LRFN5: variants seen among roughly 807,000 people sequenced by gnomAD.
The protein encoded by LRFN5 is leucine rich repeat and fibronectin type III domain containing 5.
In LRFN5, 24 loss-of-function variants were observed where a neutral mutation model predicts 45.6. The ratio of observed to expected loss-of-function variants is 0.53; its 90% CI spans 0.38 to 0.74. The LOEUF (loss-of-function observed/expected upper bound fraction) is 0.74. LRFN5 is among the 30% of genes least tolerant of loss of function. LRFN5 has a pLI of 0.00. For synonymous variants in LRFN5, 340 were observed against 313.8 expected (o/e 1.08, Z -0.88); for missense variants, 776 against 861.5 (o/e 0.90, Z 1.24).
intron 2 of LRFN5, among the ~76,000 whole-genome samples, chr14:41,880,727 TTCGTA>T (rs1890350019): frequency 1.3e-5 from 2 of 152,178 alleles, no homozygotes; most frequent in Admixed American, 1.3e-4. Flanking sequence ...AAGAGAAGAG[TTCGTA>T]TCTCCAATTG....
intron 1 of LRFN5, among the ~76,000 whole-genome samples, chr14:41,736,337 T>G (rs12434242): frequency 0.17 from 25,268 of 152,248 alleles, 2,194 homozygotes; most frequent in Admixed American, 0.19. Flanking sequence ...GGTTTTGATT[T>G]GCATTTCTCT....
At chr14:41,669,494 A>C in intron 1 of LRFN5, among the ~76,000 whole-genome samples, 1 of 151,936 alleles carries the variant, frequency 6.6e-6, no homozygotes, top group East Asian at 1.9e-4. Context: ...TCCTATTAGA[A>C]ATTCAAATTA....
intron 1 of LRFN5, among the ~76,000 whole-genome samples, chr14:41,660,713 A>G (rs1880609765): frequency 6.6e-6 from 1 of 151,920 alleles, no homozygotes; most frequent in Non-Finnish European, 1.5e-5. Flanking sequence ...ATTCCAACTC[A>G]GTTAAGTATT....
At chr14:41,627,763 G>A (rs1286357577) in intron 1 of LRFN5, among the ~76,000 whole-genome samples, 1 of 152,158 alleles carries the variant, frequency 6.6e-6, no homozygotes, top group Non-Finnish European at 1.5e-5. Flanking sequence ...TTATGTACAT[G>A]AGTAATTCTT....
chr14:41,831,041 A>G (rs1412774483), intron 2 of LRFN5, among the ~76,000 whole-genome samples: 1 of 151,530 alleles, frequency 6.6e-6, no homozygotes, highest in Non-Finnish European at 1.5e-5. Context: ...GTCTATCACC[A>G]CTCTTGTCAC....
rs1026910699 is a variant in LRFN5 at position 41,694,336 on chromosome 14, G to A, written c.-196-72518G>A. ...CTTTTGACCAATAACTCCTCAGTAC[G>A]TTGCTTACCAATCCTTCATCCTCTA... On this transcript the variant is annotated intron_variant, in intron 1 of 5. Transcript: ENST00000298119. Among the ~76,000 whole-genome samples the A allele has an allele frequency of 4.0e-5, 6 of 151,772 alleles. No individual in the cohort carries two copies. The East Asian group carries it at 9.6e-4, about 24-fold the overall frequency.
At chr14:41,744,099 A>G (rs1206231058) in intron 1 of LRFN5, among the ~76,000 whole-genome samples, 2 of 152,176 alleles carry the variant, frequency 1.3e-5, no homozygotes, top group Non-Finnish European at 2.9e-5. Flanking sequence ...CATGCCTATA[A>G]TCCTAGCACT....
intron 5 of LRFN5, among the ~76,000 whole-genome samples, chr14:41,899,173 C>T (rs141428576): frequency 9.2e-5 from 14 of 152,210 alleles, no homozygotes; most frequent in African/African-American, 2.4e-4. Context: ...GTTAACTAAA[C>T]ATCTCTGCTT....
At chr14:41,611,082 AT>A (rs942303227) in intron 1 of LRFN5, among the ~76,000 whole-genome samples, 1 of 152,096 alleles carries the variant, frequency 6.6e-6, no homozygotes, top group African/African-American at 2.4e-5. Flanking sequence ...TAAGGACTCG[AT>A]TTTTGCAGGT....
chr14:41,821,367 A>C (rs1003219828), intron 2 of LRFN5, among the ~76,000 whole-genome samples: 1 of 151,882 alleles, frequency 6.6e-6, no homozygotes, highest in African/African-American at 2.4e-5. Context: ...AATCTAACTG[A>C]ATACTTTCTT....
intron 2 of LRFN5, among the ~76,000 whole-genome samples, chr14:41,874,430 A>G (rs1197166277): frequency 1.3e-5 from 2 of 152,202 alleles, no homozygotes; most frequent in African/African-American, 4.8e-5. Flanking sequence ...TGACATTGAT[A>G]GGGAGCAACA....
At chr14:41,673,731 TC>T (rs1881387764) in intron 1 of LRFN5, among the ~76,000 whole-genome samples, 1 of 122,666 alleles carries the variant, frequency 8.2e-6, no homozygotes, top group African/African-American at 3.2e-5. Flanking sequence ...GCTCCTCACT[TC>T]CCAGTAGGGG....
At chr14:41,732,745 A>T (rs1252642321) in intron 1 of LRFN5, among the ~76,000 whole-genome samples, 1 of 151,920 alleles carries the variant, frequency 6.6e-6, no homozygotes, top group Admixed American at 6.6e-5. Flanking sequence ...CAAGAAAAAA[A>T]ATTAACCAAC....
chr14:41,659,136 G>C (rs1880513820), intron 1 of LRFN5, among the ~76,000 whole-genome samples: 1 of 151,860 alleles, frequency 6.6e-6, no homozygotes, highest in African/African-American at 2.4e-5. Flanking sequence ...ATTTGCCATG[G>C]TGGTTTGCTG....
At chr14:41,794,323 A>G (rs1479519816) in intron 2 of LRFN5, among the ~76,000 whole-genome samples, 1 of 152,050 alleles carries the variant, frequency 6.6e-6, no homozygotes, top group Non-Finnish European at 1.5e-5. Flanking sequence ...GCCTGAAAAT[A>G]TGACATTTTA....
intron 2 of LRFN5, among the ~76,000 whole-genome samples, chr14:41,833,724 T>C (rs572102920): frequency 8.5e-5 from 13 of 152,328 alleles, no homozygotes; most frequent in Admixed American, 7.8e-4. Context: ...TTATTTACTT[T>C]TTCTACTTTC....
intron 2 of LRFN5, among the ~76,000 whole-genome samples, chr14:41,836,060 TCCA>T (rs1888653049): frequency 6.6e-6 from 1 of 152,112 alleles, no homozygotes; most frequent in Non-Finnish European, 1.5e-5. Context: ...TATATGATCT[TCCA>T]CCTTTAAAAG....
chr14:41,781,635 G>A lies in LRFN5; in HGVS notation c.-21+14606G>A, dbSNP rs1275304296. ...AAGAAAGAGAAAGAAAGAAAGAAAG[G>A]AAAGAAAGAAAGAGAAAGAAAGAAA... On this transcript the variant is annotated intron_variant, in intron 2 of 5. Transcript: ENST00000298119. Among the ~76,000 whole-genome samples, 7 of 126,586 alleles carry A rather than the reference G, an allele frequency of 5.5e-5. No homozygotes were observed. In the East Asian group the frequency reaches 1.6e-3, roughly 29 times the overall value. The allele number at this position is 126,586 out of a possible 152,430, so 83.0% of individuals were successfully genotyped here.
chr14:41,848,293 C>T (rs1889140056), intron 2 of LRFN5, among the ~76,000 whole-genome samples: 2 of 152,032 alleles, frequency 1.3e-5, no homozygotes, highest in South Asian at 4.1e-4. Flanking sequence ...AAGCTGATAA[C>T]AGCTTTAGCT....
Sources: gnomAD v4.1 joint callset for allele counts (sites outside exome capture counted in the v4.1 genomes callset) on GRCh38, gnomAD v4.1.1 for gene constraint, MANE v1.5 for transcripts, NCBI Gene and HGNC (gene_info 2026-07-23, HGNC 2026-07-21) for gene names.